CSPP1: variants seen among roughly 807,000 people sequenced by gnomAD.
The protein encoded by CSPP1 is centrosome and spindle pole-associated protein 1.
A neutral mutation model predicts 164.4 loss-of-function variants in CSPP1; 126 were observed. That is an observed-to-expected ratio of 0.77 (90% confidence interval 0.66 to 0.89). CSPP1 has a LOEUF of 0.89. Among genes scored for constraint, CSPP1 ranks in the 40% least tolerant of loss-of-function variants. The pLI, the probability that CSPP1 is intolerant of heterozygous loss-of-function variation, is 0.00. For synonymous variants in CSPP1, 472 were observed against 476.7 expected (o/e 0.99, Z 0.13); for missense variants, 1,395 against 1,449.8 (o/e 0.96, Z 0.61).
At chr8:67,160,326 G>A (rs1828084106) in intron 21 of CSPP1, among the ~76,000 whole-genome samples, 3 of 151,910 alleles carry the variant, frequency 2.0e-5, no homozygotes, top group South Asian at 2.1e-4. Context: ...TTAGCTGGGC[G>A]TGGTGGCAGG....
intron 5 of CSPP1, 31 bp downstream of exon 5, chr8:67,091,914 C>G: frequency 4.1e-6 from 4 of 986,054 alleles, no homozygotes; most frequent in Non-Finnish European, 5.6e-6. Context: ...ATTGTGGGTA[C>G]CAGTTTTCCG....
At chr8:67,083,548 AATATATATATATAT>A (rs55758408) in intron 3 of CSPP1, 1 of 91,502 alleles carries the variant, frequency 1.1e-5, no homozygotes, top group African/African-American at 4.5e-5. Flanking sequence ...AAAAAAAAAA[AATATATATATATAT>A]ATATATATAT....
intron 29 of CSPP1, among the ~76,000 whole-genome samples, chr8:67,191,300 C>CT (rs1372868196): frequency 6.6e-6 from 1 of 152,174 alleles, no homozygotes; most frequent in African/African-American, 2.4e-5. Flanking sequence ...TTCTTAAACT[C>CT]TGTGTGTGTT....
At chr8:67,091,778 AT>A (rs764064453) in intron 4 of CSPP1, 24 bp from the exon 5 acceptor site, 15 of 872,542 alleles carry the variant, frequency 1.7e-5, no homozygotes, top group South Asian at 3.0e-5. Context: ...TAGGTAATAT[AT>A]TTTTTTAATG....
intron 3 of CSPP1, among the ~76,000 whole-genome samples, chr8:67,085,617 A>T (rs1157095394): frequency 2.0e-5 from 3 of 152,142 alleles, no homozygotes; most frequent in Non-Finnish European, 4.4e-5. Context: ...AGAAAGCAAG[A>T]TGCCAAACAA....
intron 28 of CSPP1, among the ~76,000 whole-genome samples, chr8:67,186,993 C>G (rs1196821657): frequency 2.0e-5 from 3 of 151,588 alleles, no homozygotes; most frequent in African/African-American, 4.9e-5. Context: ...ATCTATCTAT[C>G]TATCTATCTA....
At chr8:67,076,855 TTG>T (rs933119679) in intron 3 of CSPP1, among the ~76,000 whole-genome samples, 1 of 152,108 alleles carries the variant, frequency 6.6e-6, no homozygotes, top group Admixed American at 6.6e-5. Flanking sequence ...TGAAAGGAAT[TTG>T]TGTGTGTGAG....
chr8:67,104,968 T>TA (rs58594151), intron 8 of CSPP1, among the ~76,000 whole-genome samples: 139 of 78,374 alleles, frequency 1.8e-3, no homozygotes, highest in African/African-American at 2.7e-3. Flanking sequence ...ATATATATAT[T>TA]TTTTTTTTTT....
intron 3 of CSPP1, among the ~76,000 whole-genome samples, chr8:67,083,123 TAA>T (rs1038724567): frequency 7.2e-5 from 11 of 152,326 alleles, no homozygotes; most frequent in African/African-American, 2.6e-4. Context: ...ATTAAATTAA[TAA>T]AGTTATAAAT....
At chr8:67,132,879 C>G (rs1415090602) in intron 16 of CSPP1, among the ~76,000 whole-genome samples, 3 of 152,154 alleles carry the variant, frequency 2.0e-5, no homozygotes, top group Non-Finnish European at 4.4e-5. Context: ...AATTCCCTTA[C>G]CATCTGAGAG....
At chr8:67,132,130 G>A in intron 16 of CSPP1, 50 bp downstream of exon 16, 1 of 1,546,216 alleles carries the variant, frequency 6.5e-7, no homozygotes, top group Non-Finnish European at 8.8e-7. Context: ...GTGTAAGCAT[G>A]GTGGTCCCTT....
chr8:67,170,953 AT>A lies in CSPP1; in HGVS notation c.2829-1457del, dbSNP rs542015667. 3.5e-3 allele frequency among the ~76,000 whole-genome samples: 532 copies of A among 151,614 alleles called. 2 individuals carry two copies. Among genetic ancestry groups the A allele is most frequent in the African/African-American group, 0.011 (451 of 41,434 alleles). ...AGGCATGCGCCACCCCACCCGGCTA[AT>A]TTTTTGTATTTTTAGTAGAGATGGG... On this transcript the variant is annotated intron_variant, in intron 24 of 30. Coordinates refer to ENST00000678616, the MANE Select transcript of CSPP1 (RefSeq NM_001382391.1).
chr8:67,177,871 A>G, intron 27 of CSPP1, 145 bp downstream of exon 27: 3 of 697,018 alleles, frequency 4.3e-6, no homozygotes. Context: ...GGATAGCTTG[A>G]GAAGTGTTAG....
chr8:67,142,174 C>A, intron 17 of CSPP1, among the ~76,000 whole-genome samples: 1 of 151,998 alleles, frequency 6.6e-6, no homozygotes, highest in East Asian at 1.9e-4. Flanking sequence ...TTTCTCAGTT[C>A]TTTATTTATT....
Position 67,149,781 on chromosome 8 carries a change from A to G in CSPP1, c.1976-2A>G, listed in dbSNP as rs1320076769. On this transcript the variant is annotated splice_acceptor_variant, in intron 17 of 30. Coordinates refer to ENST00000678616, the MANE Select transcript of CSPP1 (RefSeq NM_001382391.1). LOFTEE classifies it high-confidence loss of function. ...AATAAATGGCTTATTTTTTCCTCTC[A>G]GCTGATTTGAATAGGATGCACAGAC... 3.9e-6 allele frequency: 6 copies of G among 1,531,812 alleles called. No individual in the cohort carries two copies. In the Admixed American group the frequency reaches 9.0e-5, roughly 23 times the overall value. The allele number at this position is 1,531,812 out of a possible 1,614,324, so 94.9% of individuals were successfully genotyped here. A position where few individuals can be genotyped will look rare whatever the true frequency, so the allele number is the denominator to read the frequency against.
At chr8:67,172,292 C>A in intron 24 of CSPP1, 124 bp from the exon 25 acceptor site, 1 of 691,754 alleles carries the variant, frequency 1.4e-6, no homozygotes, top group Non-Finnish European at 2.4e-6. Flanking sequence ...CAGCACCTGT[C>A]CTAGAGTAAT....
chr8:67,154,110 T>C lies in CSPP1; in HGVS notation c.2215T>C (p.Leu739=). ...PTELQIKQQE[L]YKNFLRFQIE... ...TGAACTTCAGATTAAACAGCAAGAA[T>C]TATACAAGAATTTTCTTCGTTTCCA... Residue 739 remains leucine (L), a synonymous_variant, in exon 19 of 31, where the codon TTA becomes CTA. Transcript: ENST00000678616. 6.4e-7 allele frequency: 1 copy of C among 1,573,910 alleles called. No individual in the cohort carries two copies. The highest frequency in any genetic ancestry group is 8.7e-7 in the Non-Finnish European group (1 of 1,144,704).
At chr8:67,172,598 C>T in intron 25 of CSPP1, 43 bp downstream of exon 25, 1 of 1,516,144 alleles carries the variant, frequency 6.6e-7, no homozygotes, top group Non-Finnish European at 8.9e-7. Flanking sequence ...CAGAAGTGTT[C>T]TACCCATATT....
intron 17 of CSPP1, among the ~76,000 whole-genome samples, chr8:67,147,825 CCA>C (rs897437571): frequency 6.6e-6 from 1 of 152,118 alleles, no homozygotes; most frequent in African/African-American, 2.4e-5. Context: ...ATCCCTTCAT[CCA>C]TTCTCTTCCA....
Sources: allele counts gnomAD v4.1 joint callset (sites outside exome capture counted in the v4.1 genomes callset), GRCh38; gene constraint gnomAD v4.1.1; transcripts MANE v1.5; gene names NCBI Gene and HGNC (gene_info 2026-07-23, HGNC 2026-07-21).